The following SLC10A7 variants were observed in gnomAD, a reference collection of about 807,000 sequenced individuals.
SLC10A7 encodes solute carrier family 10 member 7.
SLC10A7 carries 29 observed loss-of-function variants against 43.2 expected under a neutral mutation model. That is an observed-to-expected ratio of 0.67 (90% confidence interval 0.50 to 0.92). The LOEUF (loss-of-function observed/expected upper bound fraction) is 0.92. Among genes scored for constraint, SLC10A7 ranks in the 40% least tolerant of loss-of-function variants. The probability of loss-of-function intolerance (pLI) is 0.00; values close to 1 mark genes in which losing one functional copy is unlikely to be tolerated. For missense variants in SLC10A7, 295 were observed against 403.2 expected, an observed-to-expected ratio of 0.73 and a Z score of 2.30; for synonymous variants, 152 against 144.8, an observed-to-expected ratio of 1.05 and a Z score of -0.35.
chr4:146,364,988 C>G (rs1160925006), intron 5 of SLC10A7, among the ~76,000 whole-genome samples: 1 of 152,100 alleles, frequency 6.6e-6, no homozygotes, highest in Admixed American at 6.6e-5. Context: ...TAATGCTGCT[C>G]TCATCAGAGA....
chr4:146,351,981 C>T (rs1735151470), intron 5 of SLC10A7, among the ~76,000 whole-genome samples: 1 of 121,310 alleles, frequency 8.2e-6, no homozygotes, highest in African/African-American at 3.8e-5. Flanking sequence ...CATCAACTAA[C>T]AAGCAAAATC....
chr4:146,334,975 T>G (rs1451195717), intron 5 of SLC10A7, among the ~76,000 whole-genome samples: 6 of 151,950 alleles, frequency 3.9e-5, no homozygotes, highest in Non-Finnish European at 8.8e-5. Flanking sequence ...GTGAAGGGTC[T>G]GAGATTACCA....
intron 5 of SLC10A7, among the ~76,000 whole-genome samples, chr4:146,438,317 C>G (rs185354824): frequency 6.6e-6 from 1 of 151,958 alleles, no homozygotes; most frequent in Non-Finnish European, 1.5e-5. Flanking sequence ...TCTGCTAGTT[C>G]CAGCAATGAG....
intron 4 of SLC10A7, among the ~76,000 whole-genome samples, chr4:146,453,425 A>G (rs1731773168): frequency 6.6e-6 from 1 of 151,920 alleles, no homozygotes; most frequent in African/African-American, 2.4e-5. Context: ...CTTACAGCCT[A>G]TTTTTCACTG....
chr4:146,503,385 C>A (rs1024473237), intron 4 of SLC10A7, among the ~76,000 whole-genome samples: 9 of 152,196 alleles, frequency 5.9e-5, no homozygotes, highest in African/African-American at 2.2e-4. Context: ...GTTGAATAAT[C>A]TCTTTGAATT....
At chr4:146,483,697 C>A (rs542667871) in intron 4 of SLC10A7, among the ~76,000 whole-genome samples, 2 of 151,514 alleles carry the variant, frequency 1.3e-5, no homozygotes, top group South Asian at 4.2e-4. Flanking sequence ...TAAAAAAAAA[C>A]CCAGATCCAG....
chr4:146,344,055 C>T (rs531130936), intron 5 of SLC10A7, among the ~76,000 whole-genome samples: 53 of 152,072 alleles, frequency 3.5e-4, no homozygotes, highest in African/African-American at 1.3e-3. Flanking sequence ...TCATTTCTGA[C>T]CCGGAAGAGA....
At chr4:146,351,380 T>C (rs955671592) in intron 5 of SLC10A7, among the ~76,000 whole-genome samples, 18 of 152,088 alleles carry the variant, frequency 1.2e-4, no homozygotes, top group African/African-American at 4.3e-4. Context: ...TATGGGACTA[T>C]GTGAAAAGGT....
chr4:146,492,606 G>T (rs569742904), intron 4 of SLC10A7, among the ~76,000 whole-genome samples: 1 of 152,098 alleles, frequency 6.6e-6, no homozygotes, highest in South Asian at 2.1e-4. Context: ...TCCTAAGCTC[G>T]TGATCCACTG....
At position 146,452,052 on chromosome 4, in the gene SLC10A7, T is replaced by C. The variant is rs543513276; in HGVS notation, c.397-9231A>G. Among the ~76,000 whole-genome samples the C allele has an allele frequency of 1.8e-3, 279 of 152,204 alleles. 1 individual carries two copies. The highest frequency in any genetic ancestry group is 6.5e-3 in the African/African-American group (272 of 41,554). ...CACTTTTAGTCTAATTTTCTGGTAC[T>C]TGAAGCCTGACACCACCATGTTCCT... On this transcript the variant is annotated intron_variant, in intron 4 of 11. Transcript: ENST00000335472.
Position 146,256,323 on chromosome 4 carries a change from T to G in SLC10A7, c.*168A>C. The G allele has an allele frequency of 1.5e-6, 1 of 646,692 alleles. No individual in the cohort carries two copies. The highest frequency in any genetic ancestry group is 2.7e-6 in the Non-Finnish European group (1 of 375,882). The allele number at this position is 646,692 out of a possible 1,614,324, so 40.1% of individuals were successfully genotyped here. A position where few individuals can be genotyped will look rare whatever the true frequency, so the allele number is the denominator to read the frequency against. On this transcript the variant is annotated 3_prime_UTR_variant, in exon 12 of 12. Transcript: ENST00000335472. ...TAATCAACAAAGCATATTTTGGAAA[T>G]AACGCTCTTGTCAAATACATTTTAA... is the stretch of plus-strand genomic sequence containing the variant.
chr4:146,463,275 A>G (rs974374165), intron 4 of SLC10A7, among the ~76,000 whole-genome samples: 1 of 152,154 alleles, frequency 6.6e-6, no homozygotes, highest in South Asian at 2.1e-4. Flanking sequence ...GAGGAGAAAA[A>G]CAAAAGTTGT....
chr4:146,341,455 A>C (rs1734256937), intron 5 of SLC10A7, among the ~76,000 whole-genome samples: 1 of 151,838 alleles, frequency 6.6e-6, no homozygotes, highest in Non-Finnish European at 1.5e-5. Context: ...AACTAACTTG[A>C]ATCAGTGTTA....
chr4:146,446,572 T>C (rs888234698), intron 4 of SLC10A7, among the ~76,000 whole-genome samples: 5 of 76,930 alleles, frequency 6.5e-5, no homozygotes, highest in African/African-American at 2.1e-4. Flanking sequence ...CAAGACCCTG[T>C]CTCAAAAAAA....
At chr4:146,304,612 A>G (rs1403176834) in intron 7 of SLC10A7, among the ~76,000 whole-genome samples, 1 of 152,094 alleles carries the variant, frequency 6.6e-6, no homozygotes, top group Non-Finnish European at 1.5e-5. Flanking sequence ...GTGGTCTGAG[A>G]GATAGTTTGT....
intron 5 of SLC10A7, among the ~76,000 whole-genome samples, chr4:146,361,531 C>G (rs573395429): frequency 7.9e-5 from 12 of 152,066 alleles, no homozygotes; most frequent in African/African-American, 2.4e-4. Context: ...TATGGCACCC[C>G]CCTAGTGCTG....
At chr4:146,294,212 T>C (rs943363992) in intron 7 of SLC10A7, 117 bp from the exon 8 acceptor site, 1 of 739,112 alleles carries the variant, frequency 1.4e-6, no homozygotes, top group African/African-American at 1.8e-5. Flanking sequence ...ATTTGGCTGA[T>C]GGCCACAGTG....
At chr4:146,298,667 T>TG (rs1730946054) in intron 7 of SLC10A7, among the ~76,000 whole-genome samples, 1 of 152,198 alleles carries the variant, frequency 6.6e-6, no homozygotes, top group South Asian at 2.1e-4. Flanking sequence ...AAATAAGTAT[T>TG]TGTCACAAGC....
chr4:146,403,165 T>C (rs1037516891), intron 5 of SLC10A7, among the ~76,000 whole-genome samples: 2 of 152,188 alleles, frequency 1.3e-5, no homozygotes, highest in South Asian at 4.1e-4. Flanking sequence ...TTTACTATGA[T>C]ATATACAGGT....
Sources: gnomAD v4.1 joint callset for allele counts (sites outside exome capture counted in the v4.1 genomes callset) on GRCh38, gnomAD v4.1.1 for gene constraint, MANE v1.5 for transcripts, NCBI Gene and HGNC (gene_info 2026-07-23, HGNC 2026-07-21) for gene names.